Variants in ARL15 observed in about 807,000 individuals in gnomAD.
ARL15 encodes ADP-ribosylation factor-like protein 15.
Under a neutral mutation model 25.2 loss-of-function variants are expected in ARL15, and 19 were observed. The observed-to-expected ratio is 0.75, with a 90% CI of 0.53 to 1.10. The LOEUF (loss-of-function observed/expected upper bound fraction) is 1.10, where lower values mean the gene tolerates loss of function less well. ARL15 is among the 50% of genes least tolerant of loss of function. The pLI is 0.00. For synonymous variants in ARL15, 94 were observed against 86.8 expected, an observed-to-expected ratio of 1.08 and a Z score of -0.46; for missense variants, 220 against 246.0, an observed-to-expected ratio of 0.89 and a Z score of 0.71.
chr5:54,058,156 C>A (rs1430740116), intron 4 of ARL15, among the ~76,000 whole-genome samples: 1 of 151,996 alleles, frequency 6.6e-6, no homozygotes, highest in East Asian at 1.9e-4. Context: ...TAGGAGCCTG[C>A]CACCATGCTC....
At chr5:54,012,439 T>C (rs1218828597) in intron 4 of ARL15, among the ~76,000 whole-genome samples, 1 of 152,232 alleles carries the variant, frequency 6.6e-6, no homozygotes, top group Non-Finnish European at 1.5e-5. Context: ...TCTTGAATGA[T>C]TGAGGACTTG....
chr5:54,240,973 C>T (rs1756943212), intron 1 of ARL15, among the ~76,000 whole-genome samples: 2 of 152,280 alleles, frequency 1.3e-5, no homozygotes, highest in South Asian at 2.1e-4. Flanking sequence ...TCAATTGGTA[C>T]TAGTTAGATA....
intron 4 of ARL15, among the ~76,000 whole-genome samples, chr5:54,052,787 G>A (rs905055596): frequency 6.6e-6 from 1 of 152,030 alleles, no homozygotes; most frequent in Non-Finnish European, 1.5e-5. Flanking sequence ...CGCTCTATCA[G>A]CTGAGGTCTA....
At chr5:54,286,054 G>T (rs1758171057) in intron 1 of ARL15, 1 of 152,208 alleles carries the variant, frequency 6.6e-6, no homozygotes, top group African/African-American at 2.4e-5. Context: ...CATTAACAGT[G>T]CATTATTTCA....
intron 4 of ARL15, among the ~76,000 whole-genome samples, chr5:53,986,858 C>A (rs1748315427): frequency 6.6e-6 from 1 of 152,092 alleles, no homozygotes; most frequent in Non-Finnish European, 1.5e-5. Flanking sequence ...ATTTCGGGAG[C>A]AAACAGAGGA....
intron 3 of ARL15, 112 bp from the exon 4 acceptor site, chr5:54,113,522 A>G: frequency 2.0e-6 from 2 of 990,852 alleles, no homozygotes; most frequent in East Asian, 2.5e-5. Context: ...ATTAAGTGCT[A>G]AACTCTGTGG....
At chr5:54,202,236 A>C (rs906378103) in intron 1 of ARL15, among the ~76,000 whole-genome samples, 34 of 152,192 alleles carry the variant, frequency 2.2e-4, no homozygotes, top group African/African-American at 8.2e-4. Context: ...GCTCCTCCAA[A>C]AGATATCCAT....
intron 1 of ARL15, among the ~76,000 whole-genome samples, chr5:54,243,004 G>C (rs1283162700): frequency 1.3e-5 from 2 of 152,156 alleles, no homozygotes; most frequent in Non-Finnish European, 2.9e-5. Flanking sequence ...GTGATTGCCT[G>C]TCCCAGTATG....
intron 2 of ARL15, among the ~76,000 whole-genome samples, chr5:54,156,078 T>G (rs1754223893): frequency 6.6e-6 from 1 of 152,192 alleles, no homozygotes; most frequent in Admixed American, 6.5e-5. Context: ...ATAAAAACAA[T>G]TCTTTCAAAT....
intron 4 of ARL15, among the ~76,000 whole-genome samples, chr5:53,940,009 C>T (rs1438881772): frequency 6.7e-6 from 1 of 148,292 alleles, no homozygotes; most frequent in Non-Finnish European, 1.5e-5. Context: ...GACGGAGCCT[C>T]GCTCTGTCGC....
chr5:53,902,406 G>A (rs1194927881), intron 4 of ARL15, among the ~76,000 whole-genome samples: 2 of 152,192 alleles, frequency 1.3e-5, no homozygotes, highest in Non-Finnish European at 2.9e-5. Flanking sequence ...TTAGTCAATG[G>A]TTAAAGAATG....
intron 4 of ARL15, among the ~76,000 whole-genome samples, chr5:54,106,607 A>G (rs1024153336): frequency 1.3e-5 from 2 of 152,182 alleles, no homozygotes; most frequent in Admixed American, 6.5e-5. Flanking sequence ...TGTAAATGCT[A>G]CGTATATAGT....
At chr5:54,049,804 T>G (rs879903040) in intron 4 of ARL15, among the ~76,000 whole-genome samples, 2 of 152,026 alleles carry the variant, frequency 1.3e-5, no homozygotes, top group East Asian at 1.9e-4. Flanking sequence ...GCTCCTGAAC[T>G]CAAGTGATCT....
chr5:53,954,460 G>A (rs1747079394), intron 4 of ARL15, among the ~76,000 whole-genome samples: 2 of 152,096 alleles, frequency 1.3e-5, no homozygotes, highest in South Asian at 4.1e-4. Context: ...ATGTTCCATA[G>A]CCCAATTCCT....
At chr5:54,284,150 C>T (rs2112674473) in intron 1 of ARL15, among the ~76,000 whole-genome samples, 1 of 152,290 alleles carries the variant, frequency 6.6e-6, no homozygotes, top group Admixed American at 6.5e-5. Context: ...GTTGCCCAGG[C>T]TGGAGTACAG....
chr5:54,294,457 C>G (rs1053390715), intron 1 of ARL15, among the ~76,000 whole-genome samples: 1 of 152,150 alleles, frequency 6.6e-6, no homozygotes, highest in African/African-American at 2.4e-5. Flanking sequence ...AAACATTAAG[C>G]TCACAATAAG....
At chr5:54,148,069 G>A (rs1049160969) in intron 3 of ARL15, among the ~76,000 whole-genome samples, 1 of 152,148 alleles carries the variant, frequency 6.6e-6, no homozygotes, top group Admixed American at 6.6e-5. Context: ...TCTAAAGTAA[G>A]ATTTAATAAA....
intron 4 of ARL15, among the ~76,000 whole-genome samples, chr5:54,099,848 C>T (rs1339074364): frequency 6.6e-6 from 1 of 152,118 alleles, no homozygotes; most frequent in Non-Finnish European, 1.5e-5. Context: ...AGAAAACAGA[C>T]TTTTAAGTTT....
At chr5:53,953,857 C>A (rs1747054928) in intron 4 of ARL15, among the ~76,000 whole-genome samples, 2 of 151,896 alleles carry the variant, frequency 1.3e-5, no homozygotes, top group Admixed American at 1.3e-4. Context: ...TATGTAGGAG[C>A]CTTACGCTTT....
Sources: allele counts gnomAD v4.1 joint callset (sites outside exome capture counted in the v4.1 genomes callset), GRCh38; gene constraint gnomAD v4.1.1; transcripts MANE v1.5; gene names NCBI Gene and HGNC (gene_info 2026-07-23, HGNC 2026-07-21).